KLF12: variants seen among roughly 807,000 people sequenced by gnomAD.
KLF12 encodes the protein Krueppel-like factor 12.
KLF12 carries 9 observed loss-of-function variants against 37.8 expected under a neutral mutation model. The ratio of observed to expected loss-of-function variants is 0.24; its 90% confidence interval spans 0.14 to 0.42. The LOEUF is 0.42. Among genes scored for constraint, KLF12 ranks in the 10% least tolerant of loss-of-function variants. The pLI is 1.00. For missense variants in KLF12, 411 were observed against 516.0 expected (o/e 0.80, Z 1.97); for synonymous variants, 208 against 202.1 (o/e 1.03, Z -0.25).
At chr13:74,005,474 C>T (rs79721897) in intron 1 of KLF12, among the ~76,000 whole-genome samples, 76 of 152,290 alleles carry the variant, frequency 5.0e-4, no homozygotes, top group African/African-American at 1.8e-3. Flanking sequence ...CGGTATGCTG[C>T]ACTTTGGGGA....
At chr13:73,771,846 G>A (rs1409204766) in intron 5 of KLF12, among the ~76,000 whole-genome samples, 2 of 152,184 alleles carry the variant, frequency 1.3e-5, no homozygotes, top group East Asian at 1.9e-4. Flanking sequence ...AGACTTTTAG[G>A]CTAGGACAAA....
chr13:73,974,291 A>G (rs575794737), intron 2 of KLF12, among the ~76,000 whole-genome samples: 1 of 141,374 alleles, frequency 7.1e-6, no homozygotes, highest in East Asian at 2.1e-4. Context: ...TTATATCCTT[A>G]AGTCACTGAA....
At chr13:73,948,462 A>G (rs1008829073) in intron 2 of KLF12, among the ~76,000 whole-genome samples, 1 of 152,136 alleles carries the variant, frequency 6.6e-6, no homozygotes, top group African/African-American at 2.4e-5. Flanking sequence ...CAAGTGATCC[A>G]TCTGCCTTGG....
chr13:73,724,520 T>A (rs1876516742), intron 6 of KLF12, among the ~76,000 whole-genome samples: 1 of 152,332 alleles, frequency 6.6e-6, no homozygotes, highest in East Asian at 1.9e-4. Context: ...TGAGGCCACA[T>A]GTAGGGATTT....
intron 2 of KLF12, among the ~76,000 whole-genome samples, chr13:73,994,579 C>A (rs1446946776): frequency 6.6e-6 from 1 of 151,948 alleles, no homozygotes; most frequent in African/African-American, 2.4e-5. Flanking sequence ...GGGCATAGGA[C>A]TGCATTTGAC....
At chr13:74,290,492 A>G in the KLF12 span, among the ~76,000 whole-genome samples, 3 of 152,194 alleles carry the variant, frequency 2.0e-5, no homozygotes, top group Non-Finnish European at 4.4e-5. Context: ...CCTCTGCGTG[A>G]AAAGGTTAAT....
At chr13:74,189,422 T>C in the KLF12 span, among the ~76,000 whole-genome samples, 1 of 152,344 alleles carries the variant, frequency 6.6e-6, no homozygotes, top group South Asian at 2.1e-4. Context: ...TGCTTCCCTT[T>C]CCGTAGATGG....
chr13:73,880,615 GA>G (rs1886931984), intron 3 of KLF12, among the ~76,000 whole-genome samples: 1 of 152,054 alleles, frequency 6.6e-6, no homozygotes, highest in African/African-American at 2.4e-5. Flanking sequence ...ACCACTCTAG[GA>G]GCTGGAAAGC....
At chr13:73,864,475 C>T (rs1886077476) in intron 3 of KLF12, among the ~76,000 whole-genome samples, 1 of 152,042 alleles carries the variant, frequency 6.6e-6, no homozygotes, top group Non-Finnish European at 1.5e-5. Flanking sequence ...TATCTTCCCA[C>T]AGATACACAA....
At chr13:74,232,973 C>T in the KLF12 span, among the ~76,000 whole-genome samples, 1 of 152,144 alleles carries the variant, frequency 6.6e-6, no homozygotes, top group East Asian at 1.9e-4. Context: ...GCAACCTCCG[C>T]CTCCTGGGTT....
At chr13:73,847,921 C>T (rs2138700636) in intron 3 of KLF12, among the ~76,000 whole-genome samples, 1 of 152,216 alleles carries the variant, frequency 6.6e-6, no homozygotes, top group South Asian at 2.1e-4. Context: ...TCAGCATTAT[C>T]ATTTTATTTC....
At chr13:74,204,964 A>G in the KLF12 span, among the ~76,000 whole-genome samples, 1 of 152,152 alleles carries the variant, frequency 6.6e-6, no homozygotes, top group East Asian at 1.9e-4. Flanking sequence ...TCTAAAATAA[A>G]TTACTAGACA....
intron 1 of KLF12, among the ~76,000 whole-genome samples, chr13:73,999,174 C>T (rs1041067857): frequency 1.4e-4 from 21 of 152,192 alleles, no homozygotes; most frequent in Admixed American, 1.0e-3. Context: ...AAAGTCCACA[C>T]ATGAAACACA....
At chr13:73,984,084 T>A (rs947777641) in intron 2 of KLF12, among the ~76,000 whole-genome samples, 1 of 152,160 alleles carries the variant, frequency 6.6e-6, no homozygotes, top group African/African-American at 2.4e-5. Context: ...TAATCCTCTA[T>A]AAGATCCTCG....
chr13:73,975,720 C>T (rs75415658), intron 2 of KLF12, among the ~76,000 whole-genome samples: 4,338 of 152,268 alleles, frequency 0.028, 202 homozygotes, highest in African/African-American at 0.098. Context: ...ACTCTCAAAT[C>T]CAATCAGTCT....
chr13:74,299,578 G>A, the KLF12 span, among the ~76,000 whole-genome samples: 1 of 152,076 alleles, frequency 6.6e-6, no homozygotes, highest in Non-Finnish European at 1.5e-5. Flanking sequence ...ATGGAATTCA[G>A]GTTTCTTTAC....
intron 6 of KLF12, among the ~76,000 whole-genome samples, chr13:73,737,731 T>C (rs372187238): frequency 6.6e-6 from 1 of 152,148 alleles, no homozygotes; most frequent in African/African-American, 2.4e-5. Flanking sequence ...TGTGGAAATA[T>C]ACGAAACTGT....
rs181058067 is a variant in KLF12 at position 73,786,646 on chromosome 13, G to T, written c.807-21646C>A. On this transcript the variant is annotated intron_variant, in intron 5 of 7. Transcript: ENST00000377669. The stretch of plus-strand genomic sequence containing the variant: ...GCCTGTAATTCCAACACTTTGGGAG[G>T]CCGAGGTGGGAGGATTGCTTGAGCC... Among the ~76,000 whole-genome samples, 161 of 151,954 alleles carry T rather than the reference G, an allele frequency of 1.1e-3. 2 individuals carry two copies. The highest frequency in any genetic ancestry group is 3.4e-3 in the African/African-American group (142 of 41,426).
intron 1 of KLF12, among the ~76,000 whole-genome samples, chr13:74,032,779 C>T (rs1394680319): frequency 6.6e-6 from 1 of 152,164 alleles, no homozygotes; most frequent in Non-Finnish European, 1.5e-5. Flanking sequence ...ACATCTTATA[C>T]TTCTTCTTTG....
Sources: gnomAD v4.1 joint callset for allele counts (sites outside exome capture counted in the v4.1 genomes callset) on GRCh38, gnomAD v4.1.1 for gene constraint, MANE v1.5 for transcripts, NCBI Gene and HGNC (gene_info 2026-07-23, HGNC 2026-07-21) for gene names.